Variants in SLC20A1 observed in about 807,000 individuals in gnomAD.
SLC20A1 encodes sodium-dependent phosphate transporter 1.
SLC20A1 carries 28 observed loss-of-function variants against 62.7 expected under a neutral mutation model. That is an observed-to-expected ratio of 0.45 (90% CI 0.33 to 0.61). SLC20A1 has a LOEUF of 0.61. SLC20A1 is among the 20% of genes least tolerant of loss of function. The pLI is 0.02. For synonymous variants in SLC20A1, 305 were observed against 302.9 expected, an observed-to-expected ratio of 1.01 and a Z score of -0.07; for missense variants, 673 against 838.6, an observed-to-expected ratio of 0.80 and a Z score of 2.44.
chr2:112,662,206 C>T (rs1686767423), intron 10 of SLC20A1, among the ~76,000 whole-genome samples: 1 of 152,152 alleles, frequency 6.6e-6, no homozygotes, highest in South Asian at 2.1e-4. Flanking sequence ...CCGGATGTGT[C>T]TCCAGACAAT....
chr2:112,653,569 G>A (rs879629230), intron 5 of SLC20A1, among the ~76,000 whole-genome samples: 1 of 152,124 alleles, frequency 6.6e-6, no homozygotes, highest in Non-Finnish European at 1.5e-5. Context: ...GGACACACAT[G>A]TATGTATGTA....
At position 112,658,887 on chromosome 2, in the gene SLC20A1, G is replaced by T; in HGVS notation, c.841G>T (p.Asp281Tyr). The change falls in exon 7 of 11, where the codon GAC becomes TAC. Residue 281 changes from aspartate (D) to tyrosine (Y), a missense_variant. Transcript: ENST00000272542. ...LMEKKNSLKE[D>Y]HEETKLSVGD... ...GGAAAAAAAGAATAGCTTGAAAGAA[G>T]ACCATGAAGAAACAAAGTTGTCTGT... 6.2e-7 allele frequency: 1 copy of T among 1,614,090 alleles called. No homozygotes were observed.
rs1302004354 is a variant in SLC20A1, at chr2:112,659,279, A to G, written c.1124A>G (p.His375Arg). The change falls in exon 8 of 11, where the codon CAC becomes CGC. Residue 375 changes from histidine to arginine, a missense_variant. Coordinates refer to ENST00000272542, the MANE Select transcript of SLC20A1 (RefSeq NM_005415.5). The part of the protein sequence containing the change: ...AVSNQINSSG[H>R]YQYHTVHKDS... Reference sequence around the variant, plus strand: ...AGCAACCAAATAAACTCCAGTGGCCACTACCAGTATCACACCGTGCATAAG... The same window carrying G: ...AGCAACCAAATAAACTCCAGTGGCCGCTACCAGTATCACACCGTGCATAAG... 17 of 1,614,102 alleles carry G rather than the reference A, an allele frequency of 1.1e-5. No individual in the cohort carries two copies. Among genetic ancestry groups the G allele is most frequent in the East Asian group, 2.2e-5 (1 of 44,902 alleles).
chr2:112,660,695 T>G, intron 9 of SLC20A1, 123 bp downstream of exon 9: 1 of 791,152 alleles, frequency 1.3e-6, no homozygotes. Context: ...ATGTTCTTAT[T>G]GTCATTGTTC....
In SLC20A1 at chr2:112,662,914, C is replaced by T; in HGVS notation, c.1929C>T (p.Asp643=). 2 of 1,614,204 alleles carry T rather than the reference C, an allele frequency of 1.2e-6. No individual in the cohort carries two copies. Among genetic ancestry groups the T allele is most frequent in the Non-Finnish European group, 8.5e-7 (1 of 1,180,036 alleles). The change falls in exon 11 of 11, where the codon GAC becomes GAT. Residue 643 remains aspartate, a synonymous_variant. Coordinates refer to ENST00000272542, the MANE Select transcript of SLC20A1 (RefSeq NM_005415.5). Reference sequence around the variant, plus strand: ...GGCTCCGGTCCAAGAAGGCTGTTGACTGGCGTCTCTTTCGTAACATTTTTA... The same window carrying T: ...GGCTCCGGTCCAAGAAGGCTGTTGATTGGCGTCTCTTTCGTAACATTTTTA... ...VGWLRSKKAV[D]WRLFRNIFMA...
Position 112,652,703 on chromosome 2 carries a change from C to T in SLC20A1, c.563C>T (p.Ala188Val), listed in dbSNP as rs746108215. 4 of 1,612,510 alleles carry T rather than the reference C, an allele frequency of 2.5e-6. No individual in the cohort carries two copies. The highest frequency in any genetic ancestry group is 3.4e-6 in the Non-Finnish European group (4 of 1,178,468). Residue 188 changes from alanine to valine, a missense_variant and splice_region_variant, in exon 5 of 11, where the codon GCA (alanine) becomes GTA (valine). Coordinates refer to ENST00000272542, the MANE Select transcript of SLC20A1 (RefSeq NM_005415.5). ...ATTGATCTTAATGATGTTTTACAGG[C>T]AGATCCAGTTCCTAATGGTTTGCGA... ...FLVRAFILHK[A>V]DPVPNGLRAL... is the part of the protein sequence containing the mutation.
intron 4 of SLC20A1, among the ~76,000 whole-genome samples, chr2:112,649,928 A>C (rs953837081): frequency 1.3e-5 from 2 of 152,200 alleles, no homozygotes; most frequent in Non-Finnish European, 2.9e-5. Context: ...CATTATTTCC[A>C]GGTGAAGTTT....
chr2:112,652,676 A>G (rs1686474371), intron 4 of SLC20A1, 26 bp from the exon 5 acceptor site: 1 of 1,581,490 alleles, frequency 6.3e-7, no homozygotes, highest in South Asian at 1.1e-5. Flanking sequence ...ACCTTTTAAG[A>G]TATTGATCTT....
intron 10 of SLC20A1, among the ~76,000 whole-genome samples, chr2:112,662,514 A>C (rs113794665): frequency 0.012 from 1,860 of 152,326 alleles, 45 homozygotes; most frequent in African/African-American, 0.042. Context: ...CAGGAGGTGG[A>C]GGTTGCAGTG....
At chr2:112,660,278 A>G (rs1686711369) in intron 8 of SLC20A1, 109 bp from the exon 9 acceptor site, 1 of 922,444 alleles carries the variant, frequency 1.1e-6, no homozygotes, top group Admixed American at 2.3e-5. Flanking sequence ...TTGCCAGATG[A>G]GCTTGAAAGC....
At chr2:112,658,550 A>C (rs1686661821) in intron 6 of SLC20A1, 1 of 349,650 alleles carries the variant, frequency 2.9e-6, no homozygotes, top group Admixed American at 4.5e-5. Flanking sequence ...AAATAAAAAC[A>C]AAACAACAAT....
At chr2:112,658,604 T>C (rs1270225630) in intron 6 of SLC20A1, 1 of 471,792 alleles carries the variant, frequency 2.1e-6, no homozygotes, top group Non-Finnish European at 3.7e-6. Flanking sequence ...ACAGAAAAAT[T>C]TTGGGACCCC....
At chr2:112,647,859 G>C (rs3817328) in intron 4 of SLC20A1, 121 bp downstream of exon 4, 50,251 of 795,080 alleles carry the variant, frequency 0.063, 4,887 homozygotes, top group East Asian at 0.43. Context: ...ATTTTAAAAA[G>C]CTCTTTGTTC....
intron 5 of SLC20A1, among the ~76,000 whole-genome samples, chr2:112,656,353 TGCCC>T (rs970173286): frequency 2.0e-5 from 3 of 151,830 alleles, no homozygotes; most frequent in Non-Finnish European, 2.9e-5. Context: ...CCCACCACCA[TGCCC>T]GGCTAATTTT....
intron 4 of SLC20A1, chr2:112,652,486 TAAAAGAA>T (rs1216644001): frequency 2.9e-5 from 17 of 576,368 alleles, no homozygotes; most frequent in South Asian, 1.3e-4. Context: ...GTCTTGTTAT[TAAAAGAA>T]AAAAGAAAAA....
At chr2:112,653,804 A>T (rs549444298) in intron 5 of SLC20A1, among the ~76,000 whole-genome samples, 2 of 151,982 alleles carry the variant, frequency 1.3e-5, no homozygotes, top group African/African-American at 2.4e-5. Flanking sequence ...TTATTTATTT[A>T]TTTTTTTGAG....
At chr2:112,658,604 T>G in intron 6 of SLC20A1, 1 of 471,910 alleles carries the variant, frequency 2.1e-6, no homozygotes. Context: ...ACAGAAAAAT[T>G]TTGGGACCCC....
intron 5 of SLC20A1, among the ~76,000 whole-genome samples, chr2:112,654,283 C>G (rs1686525415): frequency 6.6e-6 from 1 of 152,222 alleles, no homozygotes; most frequent in Non-Finnish European, 1.5e-5. Flanking sequence ...GTTTGTATGC[C>G]AGATTTCCAT....
intron 5 of SLC20A1, 85 bp from the exon 6 acceptor site, chr2:112,657,037 C>T: frequency 6.6e-7 from 1 of 1,510,386 alleles, no homozygotes; most frequent in South Asian, 1.1e-5. Flanking sequence ...TATGGGGAAC[C>T]CCTCAGTCCC....
Sources: allele counts gnomAD v4.1 joint callset (sites outside exome capture counted in the v4.1 genomes callset), GRCh38; gene constraint gnomAD v4.1.1; transcripts MANE v1.5; gene names NCBI Gene and HGNC (gene_info 2026-07-23, HGNC 2026-07-21).